AFAP1L2: variants seen among roughly 807,000 people sequenced by gnomAD.
AFAP1L2 encodes actin filament-associated protein 1-like 2.
Under a neutral mutation model 99.3 loss-of-function variants are expected in AFAP1L2, and 46 were observed. The observed-to-expected ratio is 0.46, with a 90% CI of 0.37 to 0.59. The LOEUF is 0.59. AFAP1L2 is among the 20% of genes least tolerant of loss of function. The pLI is 0.00. For synonymous variants in AFAP1L2, 397 were observed against 419.1 expected (o/e 0.95, Z 0.64); for missense variants, 959 against 1,034.9 (o/e 0.93, Z 1.01).
intron 2 of AFAP1L2, among the ~76,000 whole-genome samples, chr10:114,334,055 C>G (rs7895405): frequency 0.68 from 102,885 of 152,020 alleles, 36,106 homozygotes; most frequent in East Asian, 0.92. Context: ...GATGGGTGAA[C>G]GGGGACCTGA....
At chr10:114,322,622 C>A (rs984997558) in intron 5 of AFAP1L2, among the ~76,000 whole-genome samples, 5 of 152,202 alleles carry the variant, frequency 3.3e-5, no homozygotes, top group Non-Finnish European at 7.3e-5. Flanking sequence ...TGTTTTCCAT[C>A]CTCTCACTTA....
At chr10:114,289,873 T>A, downstream of AFAP1L2, 1 of 334,864 alleles carries the variant, frequency 3.0e-6, no homozygotes. Flanking sequence ...TCCAGTGACC[T>A]CCTCTTCACC....
chr10:114,346,174 A>G (rs994240892), intron 1 of AFAP1L2, among the ~76,000 whole-genome samples: 3 of 152,080 alleles, frequency 2.0e-5, no homozygotes, highest in African/African-American at 7.2e-5. Context: ...AAAGGGAAGG[A>G]TGTTCCTTCC....
Position 114,301,431 on chromosome 10 carries a change from A to C in AFAP1L2, c.1465T>G (p.Tyr489Asp). ...TCCTGGCTAGGCAGGCCATCGATGT[A>C]AGTGTTGGGCTCTGAGAACTTTCTC... ...MQRKFSEPNT[Y>D]IDGLPSQDRQ... The change falls in exon 13 of 19, where the codon TAC becomes GAC. Residue 489 changes from tyrosine to aspartate, a missense_variant. Physicochemically the swap from Tyr to Asp is radical, Grantham distance 160. This residue lies in a region of AFAP1L2 where 576 missense variants were observed against 562.1 expected (regional missense o/e 1.02). Coordinates refer to ENST00000304129, the MANE Select transcript of AFAP1L2 (RefSeq NM_001001936.3). 1.2e-6 allele frequency: 2 copies of C among 1,614,162 alleles called. No homozygotes were observed. Among genetic ancestry groups the C allele is most frequent in the Non-Finnish European group, 1.7e-6 (2 of 1,179,986 alleles).
intron 1 of AFAP1L2, among the ~76,000 whole-genome samples, chr10:114,391,581 A>G (rs1167655991): frequency 6.6e-6 from 1 of 152,210 alleles, no homozygotes; most frequent in Non-Finnish European, 1.5e-5. Flanking sequence ...TGAACACCAA[A>G]AATACTGTCC....
chr10:114,292,235 C>A (rs2039669856), downstream of AFAP1L2, among the ~76,000 whole-genome samples: 1 of 152,054 alleles, frequency 6.6e-6, no homozygotes, highest in South Asian at 2.1e-4. Flanking sequence ...CGAGATCTCA[C>A]CACTGCACTC....
intron 1 of AFAP1L2, among the ~76,000 whole-genome samples, chr10:114,384,609 G>A (rs79900504): frequency 0.03 from 4,584 of 152,218 alleles, 165 homozygotes; most frequent in East Asian, 0.11. Context: ...GAAAGTACTC[G>A]CCTTCTTCTG....
chr10:114,295,344 CTTAAAATTTTAT>C lies in AFAP1L2; in HGVS notation c.*686_*697del, dbSNP rs2040041596. Reference sequence around the variant, plus strand: ...TTTTCCTATATATAATACAGCATCACTTAAAATTTTATTTAAAGACAGTTGATTCAGGCCTGC... The same window carrying C: ...TTTTCCTATATATAATACAGCATCACTTAAAGACAGTTGATTCAGGCCTGC... On this transcript the variant is annotated 3_prime_UTR_variant, in exon 19 of 19. Transcript: ENST00000304129. 1.0e-6 allele frequency: 1 copy of C among 985,476 alleles called. No individual in the cohort carries two copies. Among genetic ancestry groups the C allele is most frequent in the East Asian group, 1.1e-4 (1 of 8,820 alleles). 61.0% of individuals were successfully genotyped at this position (985,476 alleles called of 1,614,324 possible). A position where few individuals can be genotyped will look rare whatever the true frequency, so the allele number is the denominator to read the frequency against.
intron 3 of AFAP1L2, among the ~76,000 whole-genome samples, 163 bp downstream of exon 3, chr10:114,333,058 C>T (rs1245121627): frequency 6.6e-6 from 1 of 152,144 alleles, no homozygotes; most frequent in Non-Finnish European, 1.5e-5. Context: ...TGAAATACAT[C>T]AACCCAAAAT....
In AFAP1L2 at chr10:114,295,099, C is replaced by A. The variant is rs184374117; in HGVS notation, c.*943G>T. The A allele has an allele frequency of 3.1e-5, 31 of 984,294 alleles. No individual in the cohort carries two copies. In the Middle Eastern group the frequency reaches 2.1e-3, roughly 67 times the overall value. 61.0% of individuals were successfully genotyped at this position (984,294 alleles called of 1,614,324 possible). Reference sequence around the variant, plus strand: ...GCACTGCCAATTTTAAGAGGGCGATCACCCTAACCAAAAATCACCACTTTG... The same window carrying A: ...GCACTGCCAATTTTAAGAGGGCGATAACCCTAACCAAAAATCACCACTTTG... On this transcript the variant is annotated 3_prime_UTR_variant, in exon 19 of 19. Transcript: ENST00000304129.
intron 1 of AFAP1L2, chr10:114,340,970 C>A: frequency 1.8e-6 from 1 of 566,584 alleles, no homozygotes; most frequent in Non-Finnish European, 3.1e-6. Context: ...CCGCTGAAGT[C>A]CCAGCCCTAC....
At chr10:114,351,625 C>T (rs1333710693) in intron 1 of AFAP1L2, among the ~76,000 whole-genome samples, 1 of 152,184 alleles carries the variant, frequency 6.6e-6, no homozygotes, top group Non-Finnish European at 1.5e-5. Flanking sequence ...CAGGCAAAAG[C>T]CCTTCCTTGG....
intron 3 of AFAP1L2, 92 bp from the exon 4 acceptor site, chr10:114,331,989 G>T: frequency 1.2e-6 from 1 of 842,326 alleles, no homozygotes. Context: ...CATGCACCCT[G>T]TGAGTTCTTT....
chr10:114,374,170 T>C (rs922065884), intron 1 of AFAP1L2, among the ~76,000 whole-genome samples: 6 of 152,282 alleles, frequency 3.9e-5, no homozygotes, highest in East Asian at 1.9e-4. Context: ...GGTTATTTCA[T>C]AGACTTTTAC....
intron 1 of AFAP1L2, among the ~76,000 whole-genome samples, chr10:114,358,971 G>T (rs758514700): frequency 3.9e-5 from 6 of 152,104 alleles, no homozygotes; most frequent in Admixed American, 2.6e-4. Flanking sequence ...TCTAAGAGAC[G>T]ACTGTTCGCC....
chr10:114,376,875 A>G (rs540868260), intron 1 of AFAP1L2, among the ~76,000 whole-genome samples: 8 of 152,334 alleles, frequency 5.3e-5, no homozygotes, highest in Middle Eastern at 3.4e-3. Flanking sequence ...AGACTGAGAA[A>G]CCACTGCAGC....
downstream of AFAP1L2, chr10:114,291,474 T>C (rs935984171): frequency 5.7e-6 from 3 of 526,538 alleles, no homozygotes; most frequent in Non-Finnish European, 9.9e-6. Flanking sequence ...ACGATGTTGT[T>C]GAAAAGTTTT....
chr10:114,330,161 C>T (rs2047017548), intron 4 of AFAP1L2, among the ~76,000 whole-genome samples: 1 of 152,154 alleles, frequency 6.6e-6, no homozygotes, highest in Admixed American at 6.5e-5. Flanking sequence ...AACTGCCCAC[C>T]CACCCCACAT....
intron 4 of AFAP1L2, among the ~76,000 whole-genome samples, chr10:114,326,815 T>C (rs555761862): frequency 4.6e-5 from 7 of 152,264 alleles, no homozygotes; most frequent in African/African-American, 1.4e-4. Flanking sequence ...GATTGAAGTG[T>C]GCCTATCACT....
Sources: gnomAD v4.1 joint callset for allele counts (sites outside exome capture counted in the v4.1 genomes callset) on GRCh38, gnomAD v4.1.1 for gene constraint, gnomAD v4.1.1 regional missense constraint, MANE v1.5 for transcripts, NCBI Gene and HGNC (gene_info 2026-07-23, HGNC 2026-07-21) for gene names.